Variants in CNTN4 observed in about 807,000 individuals in gnomAD.
CNTN4 encodes contactin 4.
CNTN4 carries 77 observed loss-of-function variants against 122.5 expected under a neutral mutation model. That is an observed-to-expected ratio of 0.63 (90% CI 0.52 to 0.76). The LOEUF is 0.76. CNTN4 is among the 30% of genes least tolerant of loss of function. CNTN4 has a pLI of 0.00. For synonymous variants in CNTN4, 512 were observed against 447.0 expected (o/e 1.15, Z -1.83); for missense variants, 1,256 against 1,259.1 (o/e 1.00, Z 0.04).
chr3:2,737,871 G>A (rs895823499), intron 5 of CNTN4, among the ~76,000 whole-genome samples: 13 of 152,308 alleles, frequency 8.5e-5, no homozygotes, highest in African/African-American at 2.9e-4. Context: ...CAAAAGCACA[G>A]GTAATTGTGT....
chr3:2,378,914 A>G (rs1305899415), intron 3 of CNTN4, among the ~76,000 whole-genome samples: 1 of 152,114 alleles, frequency 6.6e-6, no homozygotes, highest in Non-Finnish European at 1.5e-5. Flanking sequence ...CAATATCACT[A>G]TCAATTAGAG....
intron 6 of CNTN4, among the ~76,000 whole-genome samples, chr3:2,812,290 C>T (rs941749919): frequency 2.0e-5 from 3 of 152,078 alleles, no homozygotes; most frequent in African/African-American, 7.2e-5. Context: ...AAAAGGTAGA[C>T]AAATATCAAT....
chr3:2,292,951 A>G (rs2042186978), intron 2 of CNTN4, among the ~76,000 whole-genome samples: 3 of 152,234 alleles, frequency 2.0e-5, no homozygotes, highest in African/African-American at 7.2e-5. Flanking sequence ...GTATATGCAC[A>G]TATTCATTAG....
chr3:2,465,870 A>C (rs188735051), intron 3 of CNTN4, among the ~76,000 whole-genome samples: 1 of 152,194 alleles, frequency 6.6e-6, no homozygotes, highest in Non-Finnish European at 1.5e-5. Context: ...GAGATAATTT[A>C]CATAACATTT....
At chr3:2,579,923 C>T (rs1324258885) in intron 4 of CNTN4, among the ~76,000 whole-genome samples, 1 of 152,102 alleles carries the variant, frequency 6.6e-6, no homozygotes, top group Non-Finnish European at 1.5e-5. Flanking sequence ...GGCCATTCTT[C>T]AGTGGTTGAA....
rs935650821 is a variant in CNTN4 at position 2,925,478 on chromosome 3, G to A, written c.1208-151G>A. ...TGAGGCAGGAGAGTCACTTGAACCC[G>A]GGAGGCGGAGGTTGCAGTGAGCCAA... On this transcript the variant is annotated intron_variant, in intron 12 of 24. Transcript: ENST00000418658. 1.3e-5 allele frequency: 9 copies of A among 702,802 alleles called. No individual in the cohort carries two copies. In the African/African-American group the frequency reaches 1.6e-4, roughly 13 times the overall value. The allele number at this position is 702,802 out of a possible 1,614,324, so 43.5% of individuals were successfully genotyped here.
chr3:2,364,879 TTCTC>T (rs2150577686), intron 3 of CNTN4, among the ~76,000 whole-genome samples: 1 of 152,320 alleles, frequency 6.6e-6, no homozygotes, highest in Non-Finnish European at 1.5e-5. Flanking sequence ...TTACTTTTTG[TTCTC>T]TCTGAAATAT....
At chr3:2,480,517 T>C (rs977835619) in intron 3 of CNTN4, among the ~76,000 whole-genome samples, 3 of 152,220 alleles carry the variant, frequency 2.0e-5, no homozygotes, top group African/African-American at 4.8e-5. Flanking sequence ...ATACCATTTA[T>C]GTTAGCACGC....
intron 3 of CNTN4, among the ~76,000 whole-genome samples, chr3:2,429,677 A>G (rs2047985911): frequency 6.6e-6 from 1 of 152,160 alleles, no homozygotes; most frequent in Admixed American, 6.5e-5. Context: ...CATGCCCCGA[A>G]GAGTTGGAGT....
intron 2 of CNTN4, among the ~76,000 whole-genome samples, chr3:2,141,647 C>T (rs2035001346): frequency 6.6e-6 from 1 of 152,082 alleles, no homozygotes; most frequent in Non-Finnish European, 1.5e-5. Flanking sequence ...ATAGAAAGTT[C>T]ACTGAGCCTT....
intron 2 of CNTN4, among the ~76,000 whole-genome samples, chr3:2,125,894 G>GGT (rs61706367): frequency 0.12 from 17,802 of 143,344 alleles, 1,131 homozygotes; most frequent in East Asian, 0.2. Flanking sequence ...TTTTATTTCT[G>GGT]GTGTGTGTGT....
At chr3:2,190,721 A>G (rs1285270356) in intron 2 of CNTN4, among the ~76,000 whole-genome samples, 2 of 151,938 alleles carry the variant, frequency 1.3e-5, no homozygotes, top group South Asian at 4.2e-4. Context: ...ACATTTCTAC[A>G]GCTTTCTTTG....
At chr3:2,567,686 G>T (rs2079233718) in intron 3 of CNTN4, among the ~76,000 whole-genome samples, 1 of 152,182 alleles carries the variant, frequency 6.6e-6, no homozygotes, top group African/African-American at 2.4e-5. Flanking sequence ...AGATTCTGCA[G>T]TCTACGCTTT....
chr3:2,627,710 G>C (rs1054454381), intron 4 of CNTN4, among the ~76,000 whole-genome samples: 1 of 151,954 alleles, frequency 6.6e-6, no homozygotes, highest in Non-Finnish European at 1.5e-5. Context: ...AGCCAGGATG[G>C]TCTCGATCTC....
At chr3:2,381,682 G>T (rs1191937999) in intron 3 of CNTN4, among the ~76,000 whole-genome samples, 2 of 152,102 alleles carry the variant, frequency 1.3e-5, no homozygotes, top group Non-Finnish European at 2.9e-5. Context: ...TAAAATATTT[G>T]TAAATGATGT....
chr3:2,218,626 A>G (rs1324450157), intron 2 of CNTN4, among the ~76,000 whole-genome samples: 3 of 152,244 alleles, frequency 2.0e-5, no homozygotes, highest in Admixed American at 6.5e-5. Flanking sequence ...TAACTATAAA[A>G]ATTCCACATC....
rs562505576 is a variant in CNTN4, at chr3:2,445,021, C to CTCTA, written c.-89+105808_-89+105811dup. Among the ~76,000 whole-genome samples, 493 of 145,132 alleles carry CTCTA rather than the reference C, an allele frequency of 3.4e-3. 2 individuals are homozygous for CTCTA. The highest frequency in any genetic ancestry group is 0.011 in the African/African-American group (392 of 35,878). On this transcript the variant is annotated intron_variant, in intron 3 of 24. Transcript: ENST00000418658. ...ATGTAAAAAAAAAAAAAATCTATCT[C>CTCTA]TCTATCTATCTATCTATCTATCTGA...
In CNTN4 at chr3:2,452,398, A is replaced by T. The variant is rs140851033; in HGVS notation, c.-89+113165A>T. 3.2e-3 allele frequency among the ~76,000 whole-genome samples: 490 copies of T among 152,276 alleles called. 3 individuals are homozygous for T. Among genetic ancestry groups the T allele is most frequent in the African/African-American group, 0.011 (472 of 41,570 alleles). ...TTGTGCAGCCATGCTCTGCTGCAGT[A>T]GTTCTGTCCTTACATGCCTTCTGGT... On this transcript the variant is annotated intron_variant, in intron 3 of 24. Coordinates refer to ENST00000418658, the MANE Select transcript of CNTN4 (RefSeq NM_175607.3).
intron 4 of CNTN4, among the ~76,000 whole-genome samples, chr3:2,670,153 C>T (rs551168541): frequency 6.6e-6 from 1 of 152,236 alleles, no homozygotes; most frequent in African/African-American, 2.4e-5. Flanking sequence ...TCCTTGTTAA[C>T]TTTCTGTCTC....
Sources: gnomAD v4.1 joint callset for allele counts (sites outside exome capture counted in the v4.1 genomes callset) on GRCh38, gnomAD v4.1.1 for gene constraint, MANE v1.5 for transcripts, NCBI Gene and HGNC (gene_info 2026-07-23, HGNC 2026-07-21) for gene names.